Variants in RPS6KC1 observed in about 807,000 individuals in gnomAD.
The protein encoded by RPS6KC1 is ribosomal protein S6 kinase C1.
Under a neutral mutation model 103.8 loss-of-function variants are expected in RPS6KC1, and 54 were observed. The ratio of observed to expected loss-of-function variants is 0.52; its 90% CI spans 0.42 to 0.65. RPS6KC1 has a LOEUF of 0.65. Ranked by LOEUF, RPS6KC1 falls within the 30% of genes least tolerant of loss-of-function variation. RPS6KC1 has a pLI of 0.00. For missense variants in RPS6KC1, 1,151 were observed against 1,253.8 expected (o/e 0.92, Z 1.24); for synonymous variants, 439 against 438.7 (o/e 1.00, Z -0.01).
At chr1:213,266,084 T>TTTG (rs1189634322) in intron 14 of RPS6KC1, among the ~76,000 whole-genome samples, 1 of 152,182 alleles carries the variant, frequency 6.6e-6, no homozygotes, top group East Asian at 1.9e-4. Flanking sequence ...CGTGTATATC[T>TTTG]TTGTTATTAT....
chr1:213,572,997 T>C, the RPS6KC1 span, among the ~76,000 whole-genome samples: 1 of 152,120 alleles, frequency 6.6e-6, no homozygotes, highest in Non-Finnish European at 1.5e-5. Context: ...TTGGCAGCTG[T>C]GAGGAAAAAC....
At chr1:213,544,234 T>C in the RPS6KC1 span, among the ~76,000 whole-genome samples, 1 of 152,022 alleles carries the variant, frequency 6.6e-6, no homozygotes, top group Non-Finnish European at 1.5e-5. Flanking sequence ...GGCGAGAGAA[T>C]CCTTCTGCTG....
chr1:213,406,952 T>C, the RPS6KC1 span, among the ~76,000 whole-genome samples: 1 of 152,132 alleles, frequency 6.6e-6, no homozygotes, highest in African/African-American at 2.4e-5. Flanking sequence ...GCTGGGACTT[T>C]TACCCAGTTC....
the RPS6KC1 span, among the ~76,000 whole-genome samples, chr1:213,688,517 G>A: frequency 6.6e-6 from 1 of 152,108 alleles, no homozygotes; most frequent in Non-Finnish European, 1.5e-5. Flanking sequence ...CAAGTAGGAA[G>A]GAATAACCAA....
At chr1:213,855,778 A>T in the RPS6KC1 span, among the ~76,000 whole-genome samples, 3 of 152,228 alleles carry the variant, frequency 2.0e-5, no homozygotes, top group Admixed American at 6.5e-5. Flanking sequence ...TGGCATGGTG[A>T]CAGACTTGCC....
chr1:213,709,920 T>C, the RPS6KC1 span, among the ~76,000 whole-genome samples: 1 of 152,138 alleles, frequency 6.6e-6, no homozygotes, highest in Non-Finnish European at 1.5e-5. Context: ...GCATTTGCTG[T>C]GGAGTGTTTT....
the RPS6KC1 span, among the ~76,000 whole-genome samples, chr1:213,848,770 AT>A: frequency 2.0e-5 from 3 of 151,948 alleles, no homozygotes; most frequent in East Asian, 1.9e-4. Context: ...TTTCTTTTTG[AT>A]TTTTTTTATA....
In RPS6KC1 at chr1:213,051,322, C is replaced by G; in HGVS notation, c.-83C>G. 2 of 1,048,968 alleles carry G rather than the reference C, an allele frequency of 1.9e-6. No homozygotes were observed. Among genetic ancestry groups the G allele is most frequent in the Non-Finnish European group, 2.9e-6 (2 of 688,722 alleles). 65.0% of individuals were successfully genotyped at this position (1,048,968 alleles called of 1,614,324 possible). A position where few individuals can be genotyped will look rare whatever the true frequency, so the allele number is the denominator to read the frequency against. On this transcript the variant is annotated 5_prime_UTR_variant, in exon 1 of 15. Transcript: ENST00000366960. ...CCGCCCCCTCGCCGCTTCGCCGCTG[C>G]GTTGGGGAACCTGGACCGCGGCGGC...
chr1:213,149,231 T>G (rs1452249316), intron 6 of RPS6KC1, among the ~76,000 whole-genome samples: 2 of 152,204 alleles, frequency 1.3e-5, no homozygotes, highest in East Asian at 3.8e-4. Context: ...CTTGCTTTTC[T>G]AGTTGTGTAA....
At chr1:213,486,163 G>T in the RPS6KC1 span, among the ~76,000 whole-genome samples, 1 of 152,186 alleles carries the variant, frequency 6.6e-6, no homozygotes, top group Non-Finnish European at 1.5e-5. Context: ...TCTTTGAAAA[G>T]GCAGGTAAAA....
In RPS6KC1 at chr1:213,241,512, ATGATGTCAG is replaced by A; in HGVS notation, c.2039_2047del (p.Asp680_Ser682del). On this transcript the variant is annotated inframe_deletion, in exon 11 of 15. Coordinates refer to ENST00000366960, the MANE Select transcript of RPS6KC1 (RefSeq NM_012424.6). The stretch of plus-strand genomic sequence containing the variant: ...ATTTCATTTAAAGATGCTGCTTTTG[ATGATGTCAG>A]TGGTACTGATGAAGGAAGACCTGAT... 6.2e-7 allele frequency: 1 copy of A among 1,613,968 alleles called. No homozygotes were observed. The highest frequency in any genetic ancestry group is 8.5e-7 in the Non-Finnish European group (1 of 1,179,936).
chr1:213,583,202 A>G, the RPS6KC1 span, among the ~76,000 whole-genome samples: 1 of 152,218 alleles, frequency 6.6e-6, no homozygotes, highest in East Asian at 1.9e-4. Flanking sequence ...GGCTATTATG[A>G]ATAAAGCTGC....
the RPS6KC1 span, among the ~76,000 whole-genome samples, chr1:213,490,370 C>T: frequency 5.9e-5 from 9 of 152,124 alleles, no homozygotes; most frequent in East Asian, 1.9e-4. Context: ...TCAGAGGTGC[C>T]GGCTGAAGAG....
At chr1:213,064,676 CTTTTT>C (rs34472724) in intron 1 of RPS6KC1, among the ~76,000 whole-genome samples, 2 of 104,880 alleles carry the variant, frequency 1.9e-5, no homozygotes, top group East Asian at 2.8e-4. Flanking sequence ...CCTTTGTGAA[CTTTTT>C]TTTTTTTTTT....
chr1:213,650,283 A>G, the RPS6KC1 span, among the ~76,000 whole-genome samples: 11 of 152,338 alleles, frequency 7.2e-5, no homozygotes, highest in Non-Finnish European at 1.3e-4. Context: ...TGTGTTATCA[A>G]TGATGATTGG....
chr1:213,602,120 C>CTCTTTCTTTCCT, the RPS6KC1 span, among the ~76,000 whole-genome samples: 2 of 5,154 alleles, frequency 3.9e-4, no homozygotes, highest in Admixed American at 3.2e-3. Context: ...TTCTTTCTTT[C>CTCTTTCTTTCCT]TCTTTCTTTC....
At chr1:213,089,681 C>T (rs1174183145) in intron 3 of RPS6KC1, among the ~76,000 whole-genome samples, 4 of 152,162 alleles carry the variant, frequency 2.6e-5, no homozygotes, top group African/African-American at 7.2e-5. Context: ...AGGCTGGTCT[C>T]GAACTCCTGA....
the RPS6KC1 span, among the ~76,000 whole-genome samples, chr1:213,626,726 C>G: frequency 6.6e-6 from 1 of 152,132 alleles, no homozygotes; most frequent in Non-Finnish European, 1.5e-5. Context: ...TGTCAAAGAT[C>G]AGATAGTTGT....
At chr1:213,358,419 A>G in the RPS6KC1 span, among the ~76,000 whole-genome samples, 8 of 152,208 alleles carry the variant, frequency 5.3e-5, no homozygotes, top group Non-Finnish European at 1.0e-4. Context: ...GTTTATTTGC[A>G]TAGAGGTGTT....
Sources: gnomAD v4.1 joint callset for allele counts (sites outside exome capture counted in the v4.1 genomes callset) on GRCh38, gnomAD v4.1.1 for gene constraint, MANE v1.5 for transcripts, NCBI Gene and HGNC (gene_info 2026-07-23, HGNC 2026-07-21) for gene names.